The following UGT8 variants were observed in gnomAD, a reference collection of about 807,000 sequenced individuals.
UGT8 encodes 2-hydroxyacylsphingosine 1-beta-galactosyltransferase.
UGT8 carries 12 observed loss-of-function variants against 40.5 expected under a neutral mutation model. The ratio of observed to expected loss-of-function variants is 0.30; its 90% CI spans 0.19 to 0.48. The LOEUF (loss-of-function observed/expected upper bound fraction) is 0.48, where lower values mean the gene tolerates loss of function less well. Among genes scored for constraint, UGT8 ranks in the 20% least tolerant of loss-of-function variants. The pLI is 0.99. For synonymous variants in UGT8, 224 were observed against 240.4 expected (o/e 0.93, Z 0.63); for missense variants, 513 against 648.7 (o/e 0.79, Z 2.27).
chr4:114,600,964 A>T (rs986393016), intron 1 of UGT8, among the ~76,000 whole-genome samples: 12 of 152,216 alleles, frequency 7.9e-5, no homozygotes, highest in Admixed American at 6.5e-5. Flanking sequence ...ACAAGTCTTT[A>T]AAAACTACAA....
chr4:114,604,121 CAGTCAGGAGGGTCTGGTGGCAT>C (rs1184834644), intron 1 of UGT8, among the ~76,000 whole-genome samples: 1 of 152,082 alleles, frequency 6.6e-6, no homozygotes, highest in Admixed American at 6.6e-5. Context: ...ATGCTTCCGC[CAGTCAGGAGGGTCTGGTGGCAT>C]ATGCATTGTG....
intron 2 of UGT8, among the ~76,000 whole-genome samples, chr4:114,657,057 T>C (rs901796541): frequency 1.3e-5 from 2 of 152,078 alleles, no homozygotes; most frequent in Non-Finnish European, 2.9e-5. Context: ...GTAAGAAAGA[T>C]TTAGATATCA....
Position 114,623,677 on chromosome 4 carries a change from C to T in UGT8, c.797C>T (p.Thr266Ile). 6.3e-7 allele frequency: 1 copy of T among 1,599,194 alleles called. No individual in the cohort carries two copies. Among genetic ancestry groups the T allele is most frequent in the African/African-American group, 1.3e-5 (1 of 74,776 alleles). The change falls in exon 2 of 6, where the codon ACC becomes ATC. Residue 266 changes from threonine to isoleucine, a missense_variant. Around this residue, in one of 3 missense-constraint regions of UGT8, gnomAD observed 335 missense variants for 444.8 expected, o/e 0.75. Transcript: ENST00000310836. ...PNVVYVGGIL[T>I]KPASPLPEDL... ...GTTGTTTATGTAGGAGGAATCCTAA[C>T]CAAACCAGCCAGCCCACTACCAGAA...
At chr4:114,647,673 G>A (rs1733658928) in intron 2 of UGT8, among the ~76,000 whole-genome samples, 1 of 152,026 alleles carries the variant, frequency 6.6e-6, no homozygotes, top group South Asian at 2.1e-4. Flanking sequence ...GCTCTTTCAA[G>A]CCTCATAATA....
At chr4:114,604,988 G>A (rs1730654387) in intron 1 of UGT8, among the ~76,000 whole-genome samples, 2 of 151,946 alleles carry the variant, frequency 1.3e-5, no homozygotes, top group South Asian at 2.1e-4. Flanking sequence ...ATCTAAGCAG[G>A]TGATTTTCAG....
chr4:114,650,449 G>A (rs1733834694), intron 2 of UGT8, among the ~76,000 whole-genome samples: 1 of 152,156 alleles, frequency 6.6e-6, no homozygotes, highest in Admixed American at 6.5e-5. Context: ...TGGAACACTA[G>A]CCATAAGTGG....
intron 1 of UGT8, among the ~76,000 whole-genome samples, chr4:114,612,263 G>C (rs1030820935): frequency 6.6e-6 from 1 of 151,972 alleles, no homozygotes. Flanking sequence ...GGTATACTTT[G>C]CTATGACATT....
chr4:114,644,773 G>A (rs1352064209), intron 2 of UGT8, among the ~76,000 whole-genome samples: 1 of 152,028 alleles, frequency 6.6e-6, no homozygotes, highest in African/African-American at 2.4e-5. Flanking sequence ...CTTATTGAGT[G>A]CCTCATATCT....
intron 2 of UGT8, among the ~76,000 whole-genome samples, chr4:114,631,716 A>G (rs1732589433): frequency 6.6e-6 from 1 of 152,226 alleles, no homozygotes; most frequent in Non-Finnish European, 1.5e-5. Context: ...AGAACCATTA[A>G]TTTAAACTCA....
chr4:114,662,007 G>A (rs1232455951), intron 2 of UGT8, among the ~76,000 whole-genome samples: 1 of 151,996 alleles, frequency 6.6e-6, no homozygotes, highest in Non-Finnish European at 1.5e-5. Flanking sequence ...TCAATCTACG[G>A]ATAACATTTA....
At position 114,623,099 on chromosome 4, in the gene UGT8, C is replaced by T; in HGVS notation, c.219C>T (p.Tyr73=). Reference sequence around the variant, plus strand: ...CTAATCATTACAGCCTCCAGCGCTACCCAGGGATCTTTAACAGTACCACCT... The same window carrying T: ...CTAATCATTACAGCCTCCAGCGCTATCCAGGGATCTTTAACAGTACCACCT... ...APSNHYSLQR[Y]PGIFNSTTSD... is the part of the protein sequence containing the mutation. Residue 73 remains tyrosine, a synonymous_variant, in exon 2 of 6, where the codon TAC becomes TAT. Coordinates refer to ENST00000310836, the MANE Select transcript of UGT8 (RefSeq NM_001128174.3). 1 of 1,614,144 alleles carries T rather than the reference C, an allele frequency of 6.2e-7. No individual in the cohort carries two copies. The highest frequency in any genetic ancestry group is 1.1e-5 in the South Asian group (1 of 91,084).
rs1730255026 is a variant in UGT8 at position 114,598,846 on chromosome 4, C to T, written c.-131C>T. 6.6e-6 allele frequency: 1 copy of T among 152,614 alleles called. No individual in the cohort carries two copies. Among genetic ancestry groups the T allele is most frequent in the Non-Finnish European group, 1.5e-5 (1 of 68,462 alleles). 9.5% of individuals were successfully genotyped at this position (152,614 alleles called of 1,614,324 possible). A position where few individuals can be genotyped will look rare whatever the true frequency, so the allele number is the denominator to read the frequency against. ...AGCCAACACGCTAACTCCGAAGCCT[C>T]CCTTACGCCCCCGAACCACCGAAGG... is the stretch of plus-strand genomic sequence containing the variant. On this transcript the variant is annotated 5_prime_UTR_variant, in exon 1 of 6. Coordinates refer to ENST00000310836, the MANE Select transcript of UGT8 (RefSeq NM_001128174.3).
intron 2 of UGT8, among the ~76,000 whole-genome samples, chr4:114,636,218 A>G (rs1184632771): frequency 1.3e-5 from 2 of 152,230 alleles, no homozygotes; most frequent in East Asian, 1.9e-4. Flanking sequence ...ATTGTATACA[A>G]TCAGTGCTTA....
At chr4:114,628,406 C>T (rs548905887) in intron 2 of UGT8, among the ~76,000 whole-genome samples, 14 of 152,252 alleles carry the variant, frequency 9.2e-5, no homozygotes, top group Admixed American at 7.2e-4. Context: ...TCTCAAAGTG[C>T]TGGGATTACA....
At chr4:114,663,966 A>G (rs1453138201) in intron 2 of UGT8, 29 bp from the exon 3 acceptor site, 2 of 1,612,708 alleles carry the variant, frequency 1.2e-6, no homozygotes, top group Non-Finnish European at 1.7e-6. Context: ...TGGTCTTCGT[A>G]AAACTTACTG....
In UGT8 at chr4:114,622,997, G is replaced by T; in HGVS notation, c.117G>T (p.Lys39Asn). 1 of 1,614,006 alleles carries T rather than the reference G, an allele frequency of 6.2e-7. No individual in the cohort carries two copies. Residue 39 changes from lysine to asparagine, a missense_variant, in exon 2 of 6, where the codon AAG becomes AAT. Transcript: ENST00000310836. ...TTGAAAGCCATATGTACATTTTCAA[G>T]ACGCTAGCCTCAGCCTTGCACGAGA... ...IMFESHMYIFKTLASALHERG... is the reference protein window; with the variant it reads ...IMFESHMYIFNTLASALHERG...
intron 2 of UGT8, among the ~76,000 whole-genome samples, chr4:114,645,912 G>T (rs933821001): frequency 6.6e-6 from 1 of 152,136 alleles, no homozygotes; most frequent in Non-Finnish European, 1.5e-5. Context: ...GCTTGTCTAG[G>T]TTGAAGGGAC....
At chr4:114,672,308 C>T (rs1735340902) in intron 5 of UGT8, among the ~76,000 whole-genome samples, 1 of 152,166 alleles carries the variant, frequency 6.6e-6, no homozygotes, top group South Asian at 2.1e-4. Flanking sequence ...ACCCAGCAAT[C>T]CCAGTACTGG....
intron 1 of UGT8, among the ~76,000 whole-genome samples, chr4:114,610,877 C>T (rs934935761): frequency 3.3e-5 from 5 of 152,006 alleles, no homozygotes; most frequent in African/African-American, 1.2e-4. Context: ...TACATTTAAA[C>T]TAGTGATAGT....
Sources: gnomAD v4.1 joint callset for allele counts (sites outside exome capture counted in the v4.1 genomes callset) on GRCh38, gnomAD v4.1.1 for gene constraint, gnomAD v4.1.1 regional missense constraint, MANE v1.5 for transcripts, NCBI Gene and HGNC (gene_info 2026-07-23, HGNC 2026-07-21) for gene names.